Variants in MRPL45 observed in about 807,000 individuals in gnomAD.
MRPL45 encodes mitochondrial ribosomal protein L45, also known as large ribosomal subunit protein mL45.
Under a neutral mutation model 38.1 loss-of-function variants are expected in MRPL45, and 20 were observed. The ratio of observed to expected loss-of-function variants is 0.53; its 90% CI spans 0.37 to 0.76. The LOEUF (loss-of-function observed/expected upper bound fraction) is 0.76, where lower values mean the gene tolerates loss of function less well. Ranked by LOEUF, MRPL45 falls within the 30% of genes least tolerant of loss-of-function variation. The pLI is 0.00. For missense variants in MRPL45, 337 were observed against 395.6 expected (o/e 0.85, Z 1.26); for synonymous variants, 105 against 128.8 (o/e 0.82, Z 1.25).
intron 1 of MRPL45, among the ~76,000 whole-genome samples, chr17:38,298,114 A>G (rs1324773656): frequency 6.6e-6 from 1 of 152,066 alleles, no homozygotes; most frequent in African/African-American, 2.4e-5. Context: ...TATTCTGCCC[A>G]TTTCAGTATT....
At chr17:38,304,853 T>A (rs1204162471) in intron 3 of MRPL45, among the ~76,000 whole-genome samples, 9 of 120,434 alleles carry the variant, frequency 7.5e-5, no homozygotes, top group Admixed American at 4.3e-4. Flanking sequence ...TAACTTCCTT[T>A]TTTTTTTTTT....
chr17:38,297,771 A>G (rs1002441824), intron 1 of MRPL45, among the ~76,000 whole-genome samples: 1 of 152,200 alleles, frequency 6.6e-6, no homozygotes, highest in African/African-American at 2.4e-5. Context: ...TATGGAGCAG[A>G]TGCCTACAAG....
intron 4 of MRPL45, among the ~76,000 whole-genome samples, chr17:38,315,430 T>C (rs2037163893): frequency 6.6e-6 from 1 of 151,866 alleles, no homozygotes; most frequent in Admixed American, 6.6e-5. Flanking sequence ...AATTTTTTTT[T>C]TTTTTTTCTA....
chr17:38,319,868 C>T (rs1431677400), intron 5 of MRPL45, among the ~76,000 whole-genome samples: 1 of 152,070 alleles, frequency 6.6e-6, no homozygotes, highest in Non-Finnish European at 1.5e-5. Context: ...TTTGGGAGGC[C>T]GAGGCGGGCG....
intron 4 of MRPL45, among the ~76,000 whole-genome samples, chr17:38,313,031 C>G (rs1259544878): frequency 7.9e-6 from 1 of 127,386 alleles, no homozygotes; most frequent in Non-Finnish European, 1.6e-5. Flanking sequence ...GTTGCTCAGG[C>G]TGGAGTGCAG....
At chr17:38,319,292 C>T (rs1268748625) in intron 5 of MRPL45, among the ~76,000 whole-genome samples, 1 of 151,986 alleles carries the variant, frequency 6.6e-6, no homozygotes, top group Non-Finnish European at 1.5e-5. Flanking sequence ...ACCTCGGCTT[C>T]CCAAAGTGCT....
intron 4 of MRPL45, among the ~76,000 whole-genome samples, chr17:38,307,031 A>AT (rs1457917868): frequency 6.6e-6 from 1 of 151,228 alleles, no homozygotes; most frequent in Non-Finnish European, 1.5e-5. Context: ...CTCCACTTTT[A>AT]TTTTTTTATT....
intron 3 of MRPL45, among the ~76,000 whole-genome samples, chr17:38,304,898 G>A (rs1356344601): frequency 1.4e-5 from 2 of 147,384 alleles, no homozygotes; most frequent in African/African-American, 5.0e-5. Flanking sequence ...CCAGGCTGGA[G>A]TGCAGTGGCA....
At chr17:38,301,523 G>A (rs796630027) in intron 3 of MRPL45, among the ~76,000 whole-genome samples, 16 of 152,288 alleles carry the variant, frequency 1.1e-4, no homozygotes, top group African/African-American at 3.6e-4. Context: ...TTACAGGCGT[G>A]AGCCACCACG....
rs563656285 is a variant in MRPL45, at chr17:38,299,347, A to G, written c.245-4A>G. 11 of 1,510,338 alleles carry G rather than the reference A, an allele frequency of 7.3e-6. No individual in the cohort carries two copies. The East Asian group carries it at 2.0e-4, about 28-fold the overall frequency. 93.6% of individuals were successfully genotyped at this position (1,510,338 alleles called of 1,614,324 possible). A position where few individuals can be genotyped will look rare whatever the true frequency, so the allele number is the denominator to read the frequency against. The stretch of plus-strand genomic sequence containing the variant: ...TTCTTAATTTTTTTCTTCCTTTATT[A>G]CAGCTGGTATATTTGATGCCTATGT... On this transcript the variant is annotated splice_polypyrimidine_tract_variant and splice_region_variant and intron_variant, in intron 2 of 7. Transcript: ENST00000613675.
In MRPL45 at chr17:38,320,249, A is replaced by AT. The variant is rs556879250; in HGVS notation, c.511-369_511-368insT. 3.2e-4 allele frequency among the ~76,000 whole-genome samples: 49 copies of AT among 152,332 alleles called. No homozygotes were observed. In the South Asian group the frequency reaches 5.8e-3, roughly 18 times the overall value. On this transcript the variant is annotated intron_variant, in intron 5 of 7. Coordinates refer to ENST00000613675, the MANE Select transcript of MRPL45 (RefSeq NM_032351.6). Reference sequence around the variant, plus strand: ...TGTTAATATGTGAGTGGGGAAAAAAAATATATATGCAGTCAACACAAGTAC... The same window carrying AT: ...TGTTAATATGTGAGTGGGGAAAAAAATATATATATGCAGTCAACACAAGTAC...
At chr17:38,300,716 G>A (rs1436728804) in intron 3 of MRPL45, among the ~76,000 whole-genome samples, 2 of 152,096 alleles carry the variant, frequency 1.3e-5, no homozygotes, top group Non-Finnish European at 2.9e-5. Flanking sequence ...GGAGGCTGAG[G>A]TGGGCGGATC....
Position 38,322,990 on chromosome 17 carries a change from T to C in MRPL45, c.*395T>C, listed in dbSNP as rs1360351956. 1 of 176,786 alleles carries C rather than the reference T, an allele frequency of 5.7e-6. No individual in the cohort carries two copies. Among genetic ancestry groups the C allele is most frequent in the Non-Finnish European group, 1.2e-5 (1 of 81,968 alleles). The allele number at this position is 176,786 out of a possible 1,614,324, so 11.0% of individuals were successfully genotyped here. A position where few individuals can be genotyped will look rare whatever the true frequency, so the allele number is the denominator to read the frequency against. ...GGGTGTTGGAAAAATTTTGGTGAGT[T>C]CTGCACATTTCCCCTGGTTCAGGCT... is the stretch of plus-strand genomic sequence containing the variant. On this transcript the variant is annotated 3_prime_UTR_variant, in exon 8 of 8. Coordinates refer to ENST00000613675, the MANE Select transcript of MRPL45 (RefSeq NM_032351.6).
intron 5 of MRPL45, among the ~76,000 whole-genome samples, chr17:38,319,177 A>T (rs539482996): frequency 6.6e-6 from 1 of 151,940 alleles, no homozygotes; most frequent in African/African-American, 2.4e-5. Context: ...CTGGGACTAC[A>T]GGCACCCGCC....
chr17:38,313,821 C>G (rs2144228719), intron 4 of MRPL45, among the ~76,000 whole-genome samples: 1 of 151,548 alleles, frequency 6.6e-6, no homozygotes, highest in South Asian at 2.1e-4. Context: ...CACCACCATG[C>G]CCAGCTAATT....
intron 4 of MRPL45, among the ~76,000 whole-genome samples, chr17:38,316,854 G>A (rs868404614): frequency 5.3e-5 from 8 of 150,972 alleles, no homozygotes; most frequent in Non-Finnish European, 8.8e-5. Flanking sequence ...CTGGAGTGCA[G>A]TGGCGCGATC....
At chr17:38,313,334 A>G (rs1294152711) in intron 4 of MRPL45, among the ~76,000 whole-genome samples, 38 of 16,120 alleles carry the variant, frequency 2.4e-3, no homozygotes, top group African/African-American at 8.2e-3. Context: ...ATATATATAC[A>G]TATATATATA....
At chr17:38,305,803 C>A (rs2037047754) in intron 3 of MRPL45, among the ~76,000 whole-genome samples, 1 of 151,816 alleles carries the variant, frequency 6.6e-6, no homozygotes, top group East Asian at 2.0e-4. Context: ...CCACCATGCC[C>A]AGCTTATTTT....
At chr17:38,320,489 A>C in intron 5 of MRPL45, 129 bp from the exon 6 acceptor site, 1 of 925,942 alleles carries the variant, frequency 1.1e-6, no homozygotes, top group Non-Finnish European at 1.7e-6. Context: ...AATAGGCACA[A>C]GAGAGCATGT....
Sources: allele counts gnomAD v4.1 joint callset (sites outside exome capture counted in the v4.1 genomes callset), GRCh38; gene constraint gnomAD v4.1.1; transcripts MANE v1.5; gene names NCBI Gene and HGNC (gene_info 2026-07-23, HGNC 2026-07-21).